ADAP1: variants seen among roughly 807,000 people sequenced by gnomAD.
The protein encoded by ADAP1 is ArfGAP with dual PH domains 1, also known as arf-GAP with dual PH domain-containing protein 1.
Under a neutral mutation model 54.9 loss-of-function variants are expected in ADAP1, and 31 were observed. The observed-to-expected ratio is 0.56, with a 90% CI of 0.42 to 0.76. ADAP1 has a LOEUF of 0.76. ADAP1 is among the 30% of genes least tolerant of loss of function. The pLI is 0.00. For missense variants in ADAP1, 535 were observed against 512.4 expected, an observed-to-expected ratio of 1.04 and a Z score of -0.42; for synonymous variants, 313 against 202.6, an observed-to-expected ratio of 1.55 and a Z score of -4.63.
intron 6 of ADAP1, 76 bp from the exon 7 acceptor site, chr7:900,692 C>CCACAGAGGGGCTGGGGTCCT: frequency 1.5e-6 from 2 of 1,348,584 alleles, no homozygotes; most frequent in Non-Finnish European, 2.1e-6. Context: ...GCTGGGGTCC[C>CCACAGAGGGGCTGGGGTCCT]CACAGAGGGG....
At chr7:948,800 G>A (rs531332457) in intron 1 of ADAP1, among the ~76,000 whole-genome samples, 13 of 152,228 alleles carry the variant, frequency 8.5e-5, no homozygotes, top group South Asian at 4.1e-4. Flanking sequence ...AGGTTCGAGC[G>A]ATTCTCCCAC....
At chr7:913,464 G>C (rs1159676660) in intron 4 of ADAP1, among the ~76,000 whole-genome samples, 3 of 152,004 alleles carry the variant, frequency 2.0e-5, no homozygotes, top group Non-Finnish European at 2.9e-5. Context: ...GCCTCCCAAA[G>C]TGCTGGGATT....
chr7:899,631 G>A (rs767219360), intron 8 of ADAP1, 141 bp from the exon 9 acceptor site: 45 of 887,622 alleles, frequency 5.1e-5, no homozygotes, highest in Non-Finnish European at 6.8e-5. Context: ...CGCTGGCCAC[G>A]CCCCACGAGG....
chr7:900,902 C>T (rs567919028), intron 6 of ADAP1: 1 of 581,650 alleles, frequency 1.7e-6, no homozygotes, highest in African/African-American at 1.9e-5. Flanking sequence ...CCGGGCCGGG[C>T]TGGACAGGGT....
At chr7:916,655 C>G (rs867089015) in intron 4 of ADAP1, among the ~76,000 whole-genome samples, 6 of 152,182 alleles carry the variant, frequency 3.9e-5, no homozygotes, top group Non-Finnish European at 8.8e-5. Context: ...CTTGCTCTCT[C>G]CCTCACACAC....
At chr7:903,641 G>A (rs543551662) in intron 6 of ADAP1, among the ~76,000 whole-genome samples, 2 of 152,202 alleles carry the variant, frequency 1.3e-5, no homozygotes, top group East Asian at 1.9e-4. Context: ...AAGCCCTCCA[G>A]AGATGCGGGG....
chr7:908,922 G>A (rs1199184980), intron 4 of ADAP1, among the ~76,000 whole-genome samples: 1 of 152,214 alleles, frequency 6.6e-6, no homozygotes, highest in Non-Finnish European at 1.5e-5. Context: ...CCCCTGCCCA[G>A]GACACAGCGG....
chr7:945,652 C>A lies in ADAP1; in HGVS notation c.82+8744G>T. On this transcript the variant is annotated intron_variant, in intron 1 of 10. Coordinates refer to ENST00000265846, the MANE Select transcript of ADAP1 (RefSeq NM_006869.4). This position sits in a 1 kb window ranked among gnomAD's most constrained non-coding sequence, Gnocchi z 4.2. ...GGGGCAGGCCCAAGACTCCAGCCCC[C>A]ACAAACATCCAGGCTGCCAGCACCG... 1.2e-6 allele frequency: 1 copy of A among 836,714 alleles called. No homozygotes were observed. Among genetic ancestry groups the A allele is most frequent in the Non-Finnish European group, 1.4e-6 (1 of 694,368 alleles). 51.8% of individuals were successfully genotyped at this position (836,714 alleles called of 1,614,324 possible).
intron 4 of ADAP1, 33 bp downstream of exon 4, chr7:919,935 C>G: frequency 6.5e-7 from 1 of 1,542,540 alleles, no homozygotes; most frequent in Non-Finnish European, 8.7e-7. Flanking sequence ...GGAGAGGTAG[C>G]CGGGAGGCCC....
In ADAP1 at chr7:898,814, G is replaced by C. The variant is rs1844632126; in HGVS notation, c.*107C>G. On this transcript the variant is annotated 3_prime_UTR_variant, in exon 11 of 11. Coordinates refer to ENST00000265846, the MANE Select transcript of ADAP1 (RefSeq NM_006869.4). ...CCTGGCCGCGCCGGGCTGCCCTGAG[G>C]AGCAGGTGGGGCCAGGTGGCCTCAG... The C allele has an allele frequency of 6.8e-7, 1 of 1,476,386 alleles. No individual in the cohort carries two copies. Among genetic ancestry groups the C allele is most frequent in the African/African-American group, 1.4e-5 (1 of 71,750 alleles). 91.5% of individuals were successfully genotyped at this position (1,476,386 alleles called of 1,614,324 possible).
chr7:900,579 C>T lies in ADAP1; in HGVS notation c.686G>A (p.Arg229His), dbSNP rs755612339. 2.5e-6 allele frequency: 4 copies of T among 1,610,800 alleles called. No individual in the cohort carries two copies. Among genetic ancestry groups the T allele is most frequent in the African/African-American group, 1.3e-5 (1 of 74,440 alleles). Residue 229 changes from arginine to histidine, a missense_variant, in exon 7 of 11, where the codon CGC becomes CAC. Physicochemically the swap from Arg to His is conservative, Grantham distance 29. Transcript: ENST00000265846. The part of the protein sequence containing the change: ...VDWFNALRAA[R>H]FHYLQVAFPG... ...GAATGCCACCTGCAGGTAGTGGAAG[C>T]GAGCAGCTCGGAGTGCATTGAACCA...
chr7:926,560 C>A lies in ADAP1; in HGVS notation c.298G>T (p.Asp100Tyr). The A allele has an allele frequency of 6.5e-7, 1 of 1,536,786 alleles. No individual in the cohort carries two copies. Among genetic ancestry groups the A allele is most frequent in the Non-Finnish European group, 8.8e-7 (1 of 1,142,336 alleles). ...AGGCCCCTTTGTACTCACTGGCAGT[C>A]GGAGGGCGTGGGCCGGTAGTAGAAG... Reference protein sequence around the residue: ...PSFYYRPTPSDCQLLREQWIR... With the variant: ...PSFYYRPTPSYCQLLREQWIR... The change falls in exon 3 of 11, where the codon GAC (aspartate) becomes TAC (tyrosine). Residue 100 changes from aspartate to tyrosine, a missense_variant. By Grantham distance (160) the Asp-to-Tyr change is radical. Coordinates refer to ENST00000265846, the MANE Select transcript of ADAP1 (RefSeq NM_006869.4). The surrounding 1 kb of genome is among the most constrained non-coding windows in gnomAD (Gnocchi z 4.6).
At chr7:935,346 CG>C in intron 2 of ADAP1, 28 bp downstream of exon 2, 1 of 1,547,496 alleles carries the variant, frequency 6.5e-7, no homozygotes, top group Non-Finnish European at 8.7e-7. Context: ...GGGGACTGCG[CG>C]GGTCCCCCCG....
At chr7:905,272 CGGGGGACACGGA>C (rs1384111601) in intron 4 of ADAP1, 100 bp from the exon 5 acceptor site, 2 of 318,420 alleles carry the variant, frequency 6.3e-6, no homozygotes, top group East Asian at 9.3e-5. Flanking sequence ...GGAGAAGACA[CGGGGGACACGGA>C]CGGGGGACAC....
chr7:901,828 G>A (rs1377393852), intron 6 of ADAP1, among the ~76,000 whole-genome samples: 1 of 150,818 alleles, frequency 6.6e-6, no homozygotes, highest in Non-Finnish European at 1.5e-5. Flanking sequence ...CCTCCTAGAG[G>A]AAGCTGAACC....
chr7:927,399 C>A, intron 2 of ADAP1: 1 of 515,124 alleles, frequency 1.9e-6, no homozygotes, highest in Non-Finnish European at 3.7e-6. Flanking sequence ...CCGCCACACC[C>A]CACGCCAGCC....
At chr7:922,374 G>T (rs1846221689) in intron 3 of ADAP1, among the ~76,000 whole-genome samples, 1 of 152,156 alleles carries the variant, frequency 6.6e-6, no homozygotes, top group South Asian at 2.1e-4. Flanking sequence ...TGTGAGCTGG[G>T]GGCAGGGGGC....
intron 2 of ADAP1, chr7:935,149 G>A: frequency 1.5e-6 from 1 of 686,376 alleles, no homozygotes; most frequent in Non-Finnish European, 2.7e-6. Flanking sequence ...ACACACACCT[G>A]GAGCTGCTCA....
intron 3 of ADAP1, among the ~76,000 whole-genome samples, chr7:925,803 G>A (rs554215646): frequency 6.6e-6 from 1 of 152,372 alleles, no homozygotes; most frequent in East Asian, 1.9e-4. Flanking sequence ...ATCTCTGCGG[G>A]GTGGGCCCTC....
Sources: allele counts gnomAD v4.1 joint callset (sites outside exome capture counted in the v4.1 genomes callset), GRCh38; gene constraint gnomAD v4.1.1; non-coding constraint Gnocchi (gnomAD v3.1); transcripts MANE v1.5; gene names NCBI Gene and HGNC (gene_info 2026-07-23, HGNC 2026-07-21).